The following MAGI2 variants were observed in gnomAD, a reference collection of about 807,000 sequenced individuals.
MAGI2 encodes membrane-associated guanylate kinase, WW and PDZ domain-containing protein 2.
MAGI2 carries 35 observed loss-of-function variants against 133.3 expected under a neutral mutation model. The ratio of observed to expected loss-of-function variants is 0.26; its 90% CI spans 0.20 to 0.35. MAGI2 has a LOEUF of 0.35. Ranked by LOEUF, MAGI2 falls within the 10% of genes least tolerant of loss-of-function variation. The pLI, the probability that MAGI2 is intolerant of heterozygous loss-of-function variation, is 1.00. For missense variants in MAGI2, 1,636 were observed against 1,863.4 expected, an observed-to-expected ratio of 0.88 and a Z score of 2.25; for synonymous variants, 729 against 710.6, an observed-to-expected ratio of 1.03 and a Z score of -0.41.
At chr7:78,187,981 C>T (rs965512234) in intron 12 of MAGI2, among the ~76,000 whole-genome samples, 10 of 152,110 alleles carry the variant, frequency 6.6e-5, no homozygotes, top group Admixed American at 2.0e-4. Context: ...TTAGAGTTTA[C>T]TTTTTACTCC....
At chr7:79,359,404 G>A (rs1842228795) in intron 1 of MAGI2, among the ~76,000 whole-genome samples, 1 of 152,014 alleles carries the variant, frequency 6.6e-6, no homozygotes, top group South Asian at 2.1e-4. Context: ...GGACAGAAGA[G>A]GAAGTGAGGC....
At chr7:78,195,907 C>T (rs3729628) in intron 11 of MAGI2, among the ~76,000 whole-genome samples, 111,506 of 152,122 alleles carry the variant, frequency 0.73, 41,034 homozygotes, top group Non-Finnish European at 0.76. Context: ...TCAATTTTTC[C>T]TTCCTGCTTT....
chr7:78,915,258 C>G (rs1798701239), intron 2 of MAGI2, among the ~76,000 whole-genome samples: 1 of 152,086 alleles, frequency 6.6e-6, no homozygotes, highest in South Asian at 2.1e-4. Flanking sequence ...TGAACACTGC[C>G]AGCCACCAGC....
At chr7:79,155,969 T>C (rs1337588381) in intron 1 of MAGI2, among the ~76,000 whole-genome samples, 13 of 152,144 alleles carry the variant, frequency 8.5e-5, no homozygotes, top group Admixed American at 7.9e-4. Context: ...TCACCCTGAA[T>C]GCTAACATTT....
chr7:79,146,108 T>C (rs1822592032), intron 1 of MAGI2, among the ~76,000 whole-genome samples: 1 of 152,194 alleles, frequency 6.6e-6, no homozygotes, highest in South Asian at 2.1e-4. Flanking sequence ...GTTCATGCTC[T>C]ACAATCCAAA....
chr7:78,493,532 G>C (rs1035582912), intron 5 of MAGI2, among the ~76,000 whole-genome samples: 1 of 152,144 alleles, frequency 6.6e-6, no homozygotes, highest in Non-Finnish European at 1.5e-5. Flanking sequence ...CAGGTTGGGG[G>C]AAGGTGGGTA....
chr7:78,396,027 A>C (rs1796315604), intron 6 of MAGI2, among the ~76,000 whole-genome samples: 1 of 152,202 alleles, frequency 6.6e-6, no homozygotes, highest in African/African-American at 2.4e-5. Flanking sequence ...GTCATTGTTA[A>C]ATCTCCAGCT....
At chr7:78,536,643 T>G (rs949436129) in intron 3 of MAGI2, among the ~76,000 whole-genome samples, 4 of 152,162 alleles carry the variant, frequency 2.6e-5, no homozygotes, top group African/African-American at 9.7e-5. Context: ...TTTTTCTTGA[T>G]GACCTCCCCT....
rs75013306 is a variant in MAGI2, at chr7:79,157,143, C to A, written c.302-149937G>T. ...ATTAATCTCAATTGGCTTGTCTGTG[C>A]GCATTTGCATGAGAAACTGAACTGT... On this transcript the variant is annotated intron_variant, in intron 1 of 21. Transcript: ENST00000354212. Among the ~76,000 whole-genome samples the A allele has an allele frequency of 4.7e-3, 708 of 152,144 alleles. 6 individuals carry two copies. Among genetic ancestry groups the A allele is most frequent in the African/African-American group, 0.016 (658 of 41,510 alleles).
chr7:79,154,549 G>A (rs148279606), intron 1 of MAGI2, among the ~76,000 whole-genome samples: 1 of 152,232 alleles, frequency 6.6e-6, no homozygotes, highest in Non-Finnish European at 1.5e-5. Context: ...AAGAAAAGAA[G>A]TACTTCAATG....
At chr7:78,219,516 C>T (rs188602568) in intron 10 of MAGI2, among the ~76,000 whole-genome samples, 159 of 152,240 alleles carry the variant, frequency 1.0e-3, no homozygotes, top group Non-Finnish European at 1.9e-3. Flanking sequence ...CAGGGCCTCT[C>T]GTACTACTGA....
At chr7:79,014,450 T>C (rs982935569) in intron 1 of MAGI2, among the ~76,000 whole-genome samples, 6 of 152,144 alleles carry the variant, frequency 3.9e-5, no homozygotes, top group African/African-American at 1.4e-4. Flanking sequence ...TTTTTAATAA[T>C]GTACCAATGG....
chr7:78,176,806 C>G (rs1467817985), intron 14 of MAGI2, among the ~76,000 whole-genome samples: 2 of 151,838 alleles, frequency 1.3e-5, no homozygotes, highest in East Asian at 1.9e-4. Context: ...TGTGATCACA[C>G]TACTGCACTC....
rs181575137 is a variant in MAGI2, at chr7:79,267,872, C to T, written c.301+185148G>A. 2.1e-3 allele frequency among the ~76,000 whole-genome samples: 318 copies of T among 152,198 alleles called. 1 individual carries two copies. The highest frequency in any genetic ancestry group is 3.6e-3 in the Non-Finnish European group (247 of 68,002). On this transcript the variant is annotated intron_variant, in intron 1 of 21. Transcript: ENST00000354212. The stretch of plus-strand genomic sequence containing the variant: ...AAAGGCAATGTTGAGGAGTAGTAAG[C>T]AATTTTTAGGATAATTTAATAGGCA...
At chr7:79,214,445 A>AT (rs1829829135) in intron 1 of MAGI2, among the ~76,000 whole-genome samples, 1 of 111,938 alleles carries the variant, frequency 8.9e-6, no homozygotes, top group African/African-American at 3.4e-5. Flanking sequence ...ATATATATAA[A>AT]TATGCACACA....
intron 9 of MAGI2, among the ~76,000 whole-genome samples, chr7:78,258,467 T>G (rs1433963053): frequency 6.6e-6 from 1 of 152,178 alleles, no homozygotes; most frequent in African/African-American, 2.4e-5. Context: ...ATTGCTCATA[T>G]TAGTTGAATC....
At chr7:78,709,755 C>A (rs1024631207) in intron 2 of MAGI2, among the ~76,000 whole-genome samples, 1 of 152,200 alleles carries the variant, frequency 6.6e-6, no homozygotes, top group African/African-American at 2.4e-5. Context: ...CTGCTGTCCT[C>A]AGCTATATCT....
chr7:78,028,410 C>G (rs976759313), intron 21 of MAGI2, among the ~76,000 whole-genome samples: 1 of 152,298 alleles, frequency 6.6e-6, no homozygotes, highest in Non-Finnish European at 1.5e-5. Context: ...GTTTTAGCTA[C>G]CTCTATGGCC....
At chr7:78,691,832 T>A (rs73145199) in intron 2 of MAGI2, among the ~76,000 whole-genome samples, 1 of 152,130 alleles carries the variant, frequency 6.6e-6, no homozygotes, top group East Asian at 1.9e-4. Context: ...GCTGGATACA[T>A]GTCATTATAC....
Sources: gnomAD v4.1 joint callset for allele counts (sites outside exome capture counted in the v4.1 genomes callset) on GRCh38, gnomAD v4.1.1 for gene constraint, MANE v1.5 for transcripts, NCBI Gene and HGNC (gene_info 2026-07-23, HGNC 2026-07-21) for gene names.